The following UGT2B7 variants were observed in gnomAD, a reference collection of about 807,000 sequenced individuals.
UGT2B7 encodes UDP-glucuronosyltransferase 2B7.
Under a neutral mutation model 51.9 loss-of-function variants are expected in UGT2B7, and 51 were observed. That is an observed-to-expected ratio of 0.98 (90% CI 0.78 to 1.24). UGT2B7 has a LOEUF of 1.24. UGT2B7 is among the 50% of genes most tolerant of loss of function. The pLI, the probability that UGT2B7 is intolerant of heterozygous loss-of-function variation, is 0.00. For synonymous variants in UGT2B7, 225 were observed against 211.6 expected (o/e 1.06, Z -0.55); for missense variants, 727 against 628.4 (o/e 1.16, Z -1.68).
At chr4:69,105,427 C>G (rs1284339078) in intron 3 of UGT2B7, among the ~76,000 whole-genome samples, 2 of 152,118 alleles carry the variant, frequency 1.3e-5, no homozygotes, top group Admixed American at 6.5e-5. Context: ...AAAAGTTAAA[C>G]ACTGTAAATT....
intron 1 of UGT2B7, among the ~76,000 whole-genome samples, chr4:69,077,748 T>C (rs1237934308): frequency 6.6e-6 from 1 of 152,176 alleles, no homozygotes; most frequent in Non-Finnish European, 1.5e-5. Flanking sequence ...ACTTCCTCTT[T>C]TCCTATTTGA....
chr4:69,102,828 A>T lies in UGT2B7; in HGVS notation c.892A>T (p.Ser298Cys). 1 of 1,613,292 alleles carries T rather than the reference A, an allele frequency of 6.2e-7. No homozygotes were observed. The highest frequency in any genetic ancestry group is 8.5e-7 in the Non-Finnish European group (1 of 1,179,562). ...LPKEMEDFVQ[S>C]SGENGVVVFS... ...ACAGGAAATGGAAGACTTTGTACAG[A>T]GCTCTGGAGAAAATGGTGTTGTGGT... The change falls in exon 3 of 6, where the codon AGC becomes TGC. Residue 298 changes from serine to cysteine, a missense_variant. By Grantham distance (112) the Ser-to-Cys change is moderately radical. Coordinates refer to ENST00000305231, the MANE Select transcript of UGT2B7 (RefSeq NM_001074.4).
At chr4:69,094,121 T>TTTGG, upstream of UGT2B7, among the ~76,000 whole-genome samples, 1 of 92,166 alleles carries the variant, frequency 1.1e-5, no homozygotes, top group South Asian at 3.7e-4. Context: ...CACAATTTGT[T>TTTGG]TTGGTTTCTT....
upstream of UGT2B7, among the ~76,000 whole-genome samples, chr4:69,092,833 G>C (rs191925314): frequency 6.6e-6 from 1 of 151,288 alleles, no homozygotes; most frequent in South Asian, 2.1e-4. Flanking sequence ...ACCAATGAAA[G>C]AATAATCAAA....
chr4:69,052,596 G>T lies in UGT2B7; in HGVS notation c.-159+994G>T, dbSNP rs1405071579. Among the ~76,000 whole-genome samples the T allele has an allele frequency of 1.1e-3, 50 of 44,578 alleles. 1 individual carries two copies. The highest frequency in any genetic ancestry group is 4.7e-3 in the East Asian group (5 of 1,074). 29.2% of individuals were successfully genotyped at this position (44,578 alleles called of 152,430 possible). A position where few individuals can be genotyped will look rare whatever the true frequency, so the allele number is the denominator to read the frequency against. On this transcript the variant is annotated intron_variant, in intron 1 of 5. Coordinates refer to the UGT2B7 transcript ENST00000502942. ...AAAAAAAAAAAAAAAAAAAAAAGAAGGGGAGGCAAAATTTACGTAAAAAGA... is the reference window on the plus strand; with the variant it reads ...AAAAAAAAAAAAAAAAAAAAAAGAATGGGAGGCAAAATTTACGTAAAAAGA...
intron 1 of UGT2B7, among the ~76,000 whole-genome samples, chr4:69,076,414 T>C (rs1718708764): frequency 6.6e-6 from 1 of 152,196 alleles, no homozygotes; most frequent in African/African-American, 2.4e-5. Flanking sequence ...GTAAAAGCAT[T>C]CCTATTTCTC....
intron 3 of UGT2B7, among the ~76,000 whole-genome samples, chr4:69,103,196 T>G (rs186354858): frequency 6.6e-6 from 1 of 152,132 alleles, no homozygotes; most frequent in African/African-American, 2.4e-5. Context: ...TAAAAAGTGT[T>G]TGGAGACTTC....
intron 1 of UGT2B7, among the ~76,000 whole-genome samples, chr4:69,077,468 G>A (rs1718736430): frequency 6.6e-6 from 1 of 151,930 alleles, no homozygotes; most frequent in East Asian, 1.9e-4. Context: ...CTTAAGCCGT[G>A]GTTTGTAGAT....
At chr4:69,086,413 A>T (rs921443313) in intron 1 of UGT2B7, among the ~76,000 whole-genome samples, 2 of 151,860 alleles carry the variant, frequency 1.3e-5, no homozygotes, top group African/African-American at 4.8e-5. Flanking sequence ...ATTCTAGAAG[A>T]TGTTTCATGT....
chr4:69,097,245 A>T lies in UGT2B7; in HGVS notation c.721+4A>T, dbSNP rs745465639. On this transcript the variant is annotated splice_donor_region_variant and intron_variant, in intron 1 of 5. Transcript: ENST00000305231. ...CAGTTTTATAGTGAAGTTCTAGGTA[A>T]GTATTTTTTTCAATCAGTAACATGA... 2.5e-6 allele frequency: 4 copies of T among 1,599,594 alleles called. No homozygotes were observed. In the East Asian group the frequency reaches 6.7e-5, roughly 27 times the overall value.
chr4:69,071,697 TG>T (rs1718605331), intron 1 of UGT2B7, among the ~76,000 whole-genome samples: 1 of 152,074 alleles, frequency 6.6e-6, no homozygotes, highest in Admixed American at 6.6e-5. Context: ...ATTATTATAA[TG>T]TCTAGAAAAG....
chr4:69,080,712 G>T (rs1718817176), intron 1 of UGT2B7, among the ~76,000 whole-genome samples: 1 of 152,014 alleles, frequency 6.6e-6, no homozygotes, highest in Admixed American at 6.6e-5. Context: ...AGCTTCATCT[G>T]AAAAAAATTA....
intron 1 of UGT2B7, among the ~76,000 whole-genome samples, chr4:69,052,587 A>AGAAGGGGAGGCAAAACTTACGT (rs1560495732): frequency 6.6e-6 from 1 of 151,414 alleles, no homozygotes; most frequent in African/African-American, 2.4e-5. Flanking sequence ...AAAAAAAAAA[A>AGAAGGGGAGGCAAAACTTACGT]AAAAAGAAGG....
chr4:69,071,855 T>C lies in UGT2B7; in HGVS notation c.-158-17617T>C, dbSNP rs149347658. Among the ~76,000 whole-genome samples, 1,081 of 152,224 alleles carry C rather than the reference T, an allele frequency of 7.1e-3. 13 individuals are homozygous for C. The highest frequency in any genetic ancestry group is 0.025 in the African/African-American group (1,036 of 41,570). ...CTTCTTTATAAAAGGGGAAAACTTA[T>C]AGACAAATATTAGTCTGGGGAAATT... On this transcript the variant is annotated intron_variant, in intron 1 of 5. Coordinates refer to the UGT2B7 transcript ENST00000502942.
Position 69,112,835 on chromosome 4 carries a change from A to AC in UGT2B7, c.*100dup, listed in dbSNP as rs1012168053. ...GATGCAAGATTTCTTTCTTCCTGAG[A>AC]CAAAAAAAAAAAAAGAAAAAAAAAT... is the stretch of plus-strand genomic sequence containing the variant. On this transcript the variant is annotated 3_prime_UTR_variant, in exon 6 of 6. Coordinates refer to ENST00000305231, the MANE Select transcript of UGT2B7 (RefSeq NM_001074.4). 4.1e-6 allele frequency: 5 copies of AC among 1,208,282 alleles called. No individual in the cohort carries two copies. In the African/African-American group the frequency reaches 8.9e-5, roughly 21 times the overall value. The allele number at this position is 1,208,282 out of a possible 1,614,324, so 74.8% of individuals were successfully genotyped here.
At chr4:69,072,406 A>G (rs1718620349) in intron 1 of UGT2B7, among the ~76,000 whole-genome samples, 1 of 152,204 alleles carries the variant, frequency 6.6e-6, no homozygotes, top group Admixed American at 6.6e-5. Context: ...GGAGACGAAA[A>G]TGAAATAATT....
At position 69,072,333 on chromosome 4, in the gene UGT2B7, T is replaced by A. The variant is rs187536403; in HGVS notation, c.-158-17139T>A. Among the ~76,000 whole-genome samples, 10 of 152,232 alleles carry A rather than the reference T, an allele frequency of 6.6e-5. No individual in the cohort carries two copies. The East Asian group carries it at 1.2e-3, about 18-fold the overall frequency. On this transcript the variant is annotated intron_variant, in intron 1 of 5. Transcript: ENST00000502942. ...ATAACATTCTTCATCCTCATGAAAA[T>A]CTTTTTCTATAAAATTTTGAATATG...
Position 69,084,553 on chromosome 4 carries a change from A to G in UGT2B7, c.-158-4919A>G, listed in dbSNP as rs1718907319. Among the ~76,000 whole-genome samples, 4 of 152,048 alleles carry G rather than the reference A, an allele frequency of 2.6e-5. No individual in the cohort carries two copies. In the South Asian group the frequency reaches 8.3e-4, roughly 31 times the overall value. ...CCATGGTGGTTTGCTGCACCCATCA[A>G]CCAGTCTCCTAGGTTTTAAGCCACA... is the stretch of plus-strand genomic sequence containing the variant. On this transcript the variant is annotated intron_variant, in intron 1 of 5. Coordinates refer to the UGT2B7 transcript ENST00000502942.
chr4:69,064,076 GAAAGAAAGAAAGAA>G (rs1718425038), intron 1 of UGT2B7, among the ~76,000 whole-genome samples: 11 of 106,350 alleles, frequency 1.0e-4, no homozygotes, highest in African/African-American at 4.8e-4. Context: ...AAGAAAGAAA[GAAAGAAAGAAAGAA>G]AGAAAGAGAA....
Sources: allele counts gnomAD v4.1 joint callset (sites outside exome capture counted in the v4.1 genomes callset), GRCh38; gene constraint gnomAD v4.1.1; transcripts MANE v1.5; gene names NCBI Gene and HGNC (gene_info 2026-07-23, HGNC 2026-07-21).